The following ALK variants were observed in gnomAD, a reference collection of about 807,000 sequenced individuals.
ALK encodes ALK receptor tyrosine kinase, also known as ALK tyrosine kinase receptor.
Under a neutral mutation model 163.1 loss-of-function variants are expected in ALK, and 74 were observed. That is an observed-to-expected ratio of 0.45 (90% CI 0.38 to 0.55). ALK has a LOEUF of 0.55. Among genes scored for constraint, ALK ranks in the 20% least tolerant of loss-of-function variants. The pLI is 0.00. For missense variants in ALK, 2,063 were observed against 2,105.3 expected (o/e 0.98, Z 0.39); for synonymous variants, 960 against 843.2 (o/e 1.14, Z -2.40).
intron 5 of ALK, among the ~76,000 whole-genome samples, chr2:29,349,921 G>A (rs777670343): frequency 9.2e-5 from 14 of 152,208 alleles, no homozygotes; most frequent in Non-Finnish European, 2.1e-4. Context: ...ACACCTGGCT[G>A]GGAAGTTCAG....
chr2:29,196,670 G>C (rs2148141421), intron 28 of ALK, 100 bp downstream of exon 28: 1 of 879,572 alleles, frequency 1.1e-6, no homozygotes, highest in Non-Finnish European at 2.0e-6. Flanking sequence ...CATAAATCTT[G>C]TACTCTGACT....
At chr2:29,310,877 G>C (rs1666676978) in intron 8 of ALK, among the ~76,000 whole-genome samples, 1 of 152,148 alleles carries the variant, frequency 6.6e-6, no homozygotes, top group South Asian at 2.1e-4. Context: ...TGACACACAG[G>C]GGATTCTCAT....
At chr2:29,235,693 A>T (rs1573144050) in intron 13 of ALK, among the ~76,000 whole-genome samples, 1 of 151,672 alleles carries the variant, frequency 6.6e-6, no homozygotes, top group African/African-American at 2.4e-5. Context: ...TCAGGGTCCA[A>T]TCTGGGTTCT....
At chr2:29,878,304 G>A (rs1230549989) in intron 1 of ALK, among the ~76,000 whole-genome samples, 3 of 152,094 alleles carry the variant, frequency 2.0e-5, no homozygotes, top group Non-Finnish European at 4.4e-5. Flanking sequence ...GGGAAATTAG[G>A]TCTCTAGGAG....
intron 3 of ALK, among the ~76,000 whole-genome samples, chr2:29,648,607 T>A (rs190969133): frequency 0.014 from 2,154 of 152,282 alleles, 51 homozygotes; most frequent in African/African-American, 0.048. Context: ...TCATACAGTA[T>A]TTGTCCTTTT....
intron 4 of ALK, among the ~76,000 whole-genome samples, chr2:29,419,616 C>T (rs916754561): frequency 6.6e-6 from 1 of 151,374 alleles, no homozygotes; most frequent in Admixed American, 6.6e-5. Flanking sequence ...TGAGAATGGT[C>T]ATTTGTAAGG....
At position 29,920,482 on chromosome 2, in the gene ALK, C is replaced by T. The variant is rs1031804606; in HGVS notation, c.178G>A (p.Val60Met). The T allele has an allele frequency of 6.2e-7, 1 of 1,613,068 alleles. No homozygotes were observed. The highest frequency in any genetic ancestry group is 8.5e-7 in the Non-Finnish European group (1 of 1,179,674). The part of the protein sequence containing the change: ...QRKSLAVDFV[V>M]PSLFRVYARD... Reference sequence around the variant, plus strand: ...GCGTAGACACGGAAGAGCGAGGGCACCACGAAGTCAACTGCCAGACTCTTC... The same window carrying T: ...GCGTAGACACGGAAGAGCGAGGGCATCACGAAGTCAACTGCCAGACTCTTC... Residue 60 changes from valine (V) to methionine (M), a missense_variant, in exon 1 of 29, where the codon GTG (valine) becomes ATG (methionine). Physicochemically the swap from Val to Met is conservative, Grantham distance 21 (BLOSUM62 1). Coordinates refer to ENST00000389048, the MANE Select transcript of ALK (RefSeq NM_004304.5).
intron 1 of ALK, among the ~76,000 whole-genome samples, chr2:29,756,247 C>T (rs945302383): frequency 2.0e-5 from 3 of 152,166 alleles, no homozygotes; most frequent in Admixed American, 1.3e-4. Flanking sequence ...GTCCATTTCC[C>T]GGGAGGACCT....
intron 6 of ALK, among the ~76,000 whole-genome samples, chr2:29,321,571 A>T (rs1171320461): frequency 6.6e-6 from 1 of 152,210 alleles, no homozygotes; most frequent in Non-Finnish European, 1.5e-5. Flanking sequence ...GCCCTTGTGT[A>T]AATCTTTGGT....
At chr2:29,339,171 A>G (rs1667714582) in intron 5 of ALK, among the ~76,000 whole-genome samples, 2 of 151,838 alleles carry the variant, frequency 1.3e-5, no homozygotes, top group South Asian at 4.2e-4. Context: ...TGAACCCAGG[A>G]GGCGGAGGTT....
At chr2:29,376,009 A>C (rs1244874625) in intron 5 of ALK, among the ~76,000 whole-genome samples, 1 of 152,134 alleles carries the variant, frequency 6.6e-6, no homozygotes, top group Admixed American at 6.5e-5. Context: ...GAAACATTCC[A>C]AACTCCTCCC....
chr2:29,508,233 T>C (rs934705026), intron 4 of ALK, among the ~76,000 whole-genome samples: 1 of 152,180 alleles, frequency 6.6e-6, no homozygotes, highest in South Asian at 2.1e-4. Context: ...AGTTAACATC[T>C]GCATGTGGAC....
At chr2:29,376,244 A>T (rs1255476861) in intron 5 of ALK, among the ~76,000 whole-genome samples, 1 of 152,240 alleles carries the variant, frequency 6.6e-6, no homozygotes, top group Non-Finnish European at 1.5e-5. Context: ...AGCCCCTCTC[A>T]GGTTTATTTT....
intron 3 of ALK, among the ~76,000 whole-genome samples, chr2:29,692,618 C>T (rs551568560): frequency 6.6e-6 from 1 of 152,346 alleles, no homozygotes; most frequent in East Asian, 1.9e-4. Context: ...TCTAATGCGG[C>T]AGCTGATCTG....
At chr2:29,296,800 A>G (rs1666195580) in intron 9 of ALK, 88 bp downstream of exon 9, 1 of 1,556,350 alleles carries the variant, frequency 6.4e-7, no homozygotes, top group Non-Finnish European at 8.8e-7. Flanking sequence ...TGTCTTGGGT[A>G]AAAGGCACGG....
chr2:29,415,035 C>T (rs955085812), intron 4 of ALK, among the ~76,000 whole-genome samples: 7 of 151,470 alleles, frequency 4.6e-5, no homozygotes, highest in Non-Finnish European at 7.4e-5. Flanking sequence ...CACACATGCA[C>T]AGATATGCAG....
intron 1 of ALK, among the ~76,000 whole-genome samples, chr2:29,809,120 G>A (rs541141808): frequency 7.7e-4 from 117 of 152,330 alleles, no homozygotes; most frequent in African/African-American, 2.8e-3. Context: ...ACATCGGAGA[G>A]CATATGAGTT....
intron 3 of ALK, among the ~76,000 whole-genome samples, chr2:29,599,931 C>A (rs1284123209): frequency 6.6e-6 from 1 of 152,174 alleles, no homozygotes; most frequent in Non-Finnish European, 1.5e-5. Context: ...AAAAGCTAAG[C>A]TGTGTGGTTC....
intron 18 of ALK, among the ~76,000 whole-genome samples, chr2:29,226,030 C>T (rs1428489351): frequency 3.3e-5 from 5 of 152,062 alleles, no homozygotes; most frequent in Non-Finnish European, 7.4e-5. Context: ...ACGGAGGTAT[C>T]GTGCTTGGTA....
Sources: allele counts gnomAD v4.1 joint callset (sites outside exome capture counted in the v4.1 genomes callset), GRCh38; gene constraint gnomAD v4.1.1; transcripts MANE v1.5; gene names NCBI Gene and HGNC (gene_info 2026-07-23, HGNC 2026-07-21).